The following LHFPL6 variants were observed in gnomAD, a reference collection of about 807,000 sequenced individuals.
LHFPL6 encodes LHFPL tetraspan subfamily member 6.
In LHFPL6, 9 loss-of-function variants were observed where a neutral mutation model predicts 20.6. The observed-to-expected ratio is 0.44, with a 90% CI of 0.26 to 0.76. The LOEUF (loss-of-function observed/expected upper bound fraction) is 0.76, where lower values mean the gene tolerates loss of function less well. LHFPL6 is among the 30% of genes least tolerant of loss of function. LHFPL6 has a pLI of 0.20. For synonymous variants in LHFPL6, 105 were observed against 98.7 expected, an observed-to-expected ratio of 1.06 and a Z score of -0.38; for missense variants, 218 against 253.5, an observed-to-expected ratio of 0.86 and a Z score of 0.95.
At chr13:39,392,626 G>A (rs1173102654) in intron 2 of LHFPL6, among the ~76,000 whole-genome samples, 1 of 151,492 alleles carries the variant, frequency 6.6e-6, no homozygotes, top group Non-Finnish European at 1.5e-5. Flanking sequence ...AAACAAAAGA[G>A]TAAATGCTGC....
rs536613693 is a variant in LHFPL6 at position 39,503,900 on chromosome 13, C to T, written c.385+96932G>A. Among the ~76,000 whole-genome samples the T allele has an allele frequency of 2.0e-5, 3 of 152,280 alleles. No homozygotes were observed. In the East Asian group the frequency reaches 5.8e-4, roughly 29 times the overall value. ...TGACAAGTCAAATACAAAAAGCTTC[C>T]TCCAAAAGTTCTTGAAGAGTCTAAC... On this transcript the variant is annotated intron_variant, in intron 2 of 3. Transcript: ENST00000379589.
At chr13:39,356,050 C>A (rs917942623) in intron 3 of LHFPL6, among the ~76,000 whole-genome samples, 1 of 152,188 alleles carries the variant, frequency 6.6e-6, no homozygotes, top group African/African-American at 2.4e-5. Flanking sequence ...CAGACACCTG[C>A]AGAATATTCC....
chr13:39,467,090 C>T (rs1293201709), intron 2 of LHFPL6, among the ~76,000 whole-genome samples: 2 of 152,162 alleles, frequency 1.3e-5, no homozygotes, highest in South Asian at 2.1e-4. Flanking sequence ...GATTCCAATT[C>T]ACAGAGAGAA....
intron 2 of LHFPL6, among the ~76,000 whole-genome samples, chr13:39,492,695 A>C (rs1454369944): frequency 6.6e-6 from 1 of 151,472 alleles, no homozygotes; most frequent in Admixed American, 6.6e-5. Flanking sequence ...ATGGAGTTTC[A>C]CTCCTGTCGC....
At chr13:39,557,300 G>A (rs530736363) in intron 2 of LHFPL6, among the ~76,000 whole-genome samples, 2 of 152,342 alleles carry the variant, frequency 1.3e-5, no homozygotes, top group East Asian at 1.9e-4. Context: ...TAGACGGGGC[G>A]AGCCATCAGC....
chr13:39,496,536 A>G (rs1869107356), intron 2 of LHFPL6, among the ~76,000 whole-genome samples: 1 of 152,204 alleles, frequency 6.6e-6, no homozygotes, highest in South Asian at 2.1e-4. Context: ...TTACTTCAAA[A>G]ATGCAGGCAT....
chr13:39,553,318 G>T (rs1361024329), intron 2 of LHFPL6, among the ~76,000 whole-genome samples: 2 of 152,104 alleles, frequency 1.3e-5, no homozygotes, highest in African/African-American at 2.4e-5. Flanking sequence ...ATGTAAATTT[G>T]CAGCTTCACC....
intron 2 of LHFPL6, among the ~76,000 whole-genome samples, chr13:39,386,884 C>T (rs990761585): frequency 6.6e-6 from 1 of 152,186 alleles, no homozygotes; most frequent in Non-Finnish European, 1.5e-5. Context: ...AGTCAAATCC[C>T]TTCTCTTTGA....
At chr13:39,449,503 A>T (rs1872384670) in intron 2 of LHFPL6, among the ~76,000 whole-genome samples, 1 of 152,236 alleles carries the variant, frequency 6.6e-6, no homozygotes, top group African/African-American at 2.4e-5. Flanking sequence ...ACAGAAGTAG[A>T]TTTACAATTT....
rs567592920 is a variant in LHFPL6, at chr13:39,362,224, T to C, written c.484+16204A>G. Among the ~76,000 whole-genome samples, 5 of 152,346 alleles carry C rather than the reference T, an allele frequency of 3.3e-5. No individual in the cohort carries two copies. The South Asian group carries it at 1.0e-3, about 32-fold the overall frequency. On this transcript the variant is annotated intron_variant, in intron 3 of 3. Transcript: ENST00000379589. ...GGCTTCGCCCTTGCTGTTCTTATGATAGTGAGTGAGTTGTCACGAGATCTG... is the reference window on the plus strand; with the variant it reads ...GGCTTCGCCCTTGCTGTTCTTATGACAGTGAGTGAGTTGTCACGAGATCTG...
intron 3 of LHFPL6, among the ~76,000 whole-genome samples, chr13:39,365,386 C>T (rs1869985944): frequency 6.6e-6 from 1 of 152,194 alleles, no homozygotes; most frequent in Non-Finnish European, 1.5e-5. Flanking sequence ...AACGGAACTG[C>T]AGCAAGCACT....
chr13:39,570,800 G>A (rs554404740), intron 2 of LHFPL6, among the ~76,000 whole-genome samples: 1 of 152,064 alleles, frequency 6.6e-6, no homozygotes, highest in East Asian at 1.9e-4. Flanking sequence ...TGTGTGCATG[G>A]GCATGCCACG....
chr13:39,438,085 G>A (rs574663206), intron 2 of LHFPL6, among the ~76,000 whole-genome samples: 1 of 152,276 alleles, frequency 6.6e-6, no homozygotes, highest in Non-Finnish European at 1.5e-5. Flanking sequence ...AAATTGTTGT[G>A]ACCAAAATTC....
At chr13:39,359,783 T>C (rs117723747) in intron 3 of LHFPL6, among the ~76,000 whole-genome samples, 6 of 151,008 alleles carry the variant, frequency 4.0e-5, no homozygotes, top group Non-Finnish European at 7.4e-5. Context: ...AAAATAAACA[T>C]TGAAAAAGAA....
intron 2 of LHFPL6, among the ~76,000 whole-genome samples, chr13:39,542,459 T>C (rs1263499020): frequency 6.6e-6 from 1 of 152,166 alleles, no homozygotes. Context: ...TAAGCACAGA[T>C]GCACACACAG....
At chr13:39,590,362 T>C (rs980819990) in intron 2 of LHFPL6, among the ~76,000 whole-genome samples, 2 of 152,222 alleles carry the variant, frequency 1.3e-5, no homozygotes, top group African/African-American at 2.4e-5. Flanking sequence ...GCAATGAATC[T>C]ATTAACTTTC....
intron 2 of LHFPL6, among the ~76,000 whole-genome samples, chr13:39,452,124 A>G (rs1872464982): frequency 6.7e-6 from 1 of 148,272 alleles, no homozygotes; most frequent in African/African-American, 2.5e-5. Flanking sequence ...AAAGGATATA[A>G]CAGAGAGTTT....
At chr13:39,447,795 C>G (rs1872332210) in intron 2 of LHFPL6, among the ~76,000 whole-genome samples, 1 of 152,148 alleles carries the variant, frequency 6.6e-6, no homozygotes, top group African/African-American at 2.4e-5. Flanking sequence ...TGGGCCATTG[C>G]TCTTCTCCAC....
chr13:39,499,741 G>C (rs1869229369), intron 2 of LHFPL6, among the ~76,000 whole-genome samples: 1 of 152,232 alleles, frequency 6.6e-6, no homozygotes, highest in Admixed American at 6.5e-5. Context: ...ATGGTAAGAA[G>C]AGACCCATAA....
Sources: gnomAD v4.1 joint callset for allele counts (sites outside exome capture counted in the v4.1 genomes callset) on GRCh38, gnomAD v4.1.1 for gene constraint, MANE v1.5 for transcripts, NCBI Gene and HGNC (gene_info 2026-07-23, HGNC 2026-07-21) for gene names.